Variants in CFAP47 observed in about 807,000 individuals in gnomAD.
The protein encoded by CFAP47 is cilia and flagella associated protein 47.
Under a neutral mutation model 148.1 loss-of-function variants are expected in CFAP47, and 29 were observed. That is an observed-to-expected ratio of 0.20 (90% CI 0.15 to 0.27). The LOEUF is 0.27. Ranked by LOEUF, CFAP47 falls within the 10% of genes least tolerant of loss-of-function variation. The pLI, the probability that CFAP47 is intolerant of heterozygous loss-of-function variation, is 1.00. For missense variants in CFAP47, 1,872 were observed against 1,697.5 expected, an observed-to-expected ratio of 1.10 and a Z score of -1.81; for synonymous variants, 664 against 577.3, an observed-to-expected ratio of 1.15 and a Z score of -2.15.
At position 35,991,942 on chromosome X, in the gene CFAP47, A is replaced by G; in HGVS notation, c.2966A>G (p.Lys989Arg). The change falls in exon 17 of 64, where the codon AAG becomes AGG. Residue 989 changes from lysine (K) to arginine (R), a missense_variant and splice_region_variant. Transcript: ENST00000378653. ...QNVGQNHAYF[K>R]VCSQSLLPII... Reference sequence around the variant, plus strand: ...GTAGGACAAAACCATGCTTATTTCAAGGTAACATAGGATGTTGGTAATTTC... The same window carrying G: ...GTAGGACAAAACCATGCTTATTTCAGGGTAACATAGGATGTTGGTAATTTC... 3.4e-6 allele frequency: 1 copy of G among 294,998 alleles called. No homozygotes were observed. Among genetic ancestry groups the G allele is most frequent in the Non-Finnish European group, 5.9e-6 (1 of 168,414 alleles). 24.3% of individuals were successfully genotyped at this position (294,998 alleles called of 1,213,427 possible).
chrX:35,977,051 T>G (rs1400527698), intron 15 of CFAP47, among the ~76,000 whole-genome samples: 1 of 111,736 alleles, frequency 8.9e-6, no homozygotes, highest in Non-Finnish European at 1.9e-5. Flanking sequence ...AAGCTATCAT[T>G]TAGGAAATAA....
chrX:35,951,921 A>G lies in CFAP47; in HGVS notation c.1004A>G (p.Gln335Arg). The change falls in exon 6 of 64, where the codon CAA (glutamine) becomes CGA (arginine). Residue 335 changes from glutamine (Q) to arginine (R), a missense_variant. Transcript: ENST00000378653. ...TGTCTTCCTAATGAAGGGACTTTAC[A>G]ACCTTATCAAAAGACTGTAATTACA... ...ISCLPNEGTLQPYQKTVITFC... is the reference protein window; with the variant it reads ...ISCLPNEGTLRPYQKTVITFC... 8.5e-7 allele frequency: 1 copy of G among 1,173,135 alleles called. No individual in the cohort carries two copies. Among genetic ancestry groups the G allele is most frequent in the Non-Finnish European group, 1.1e-6 (1 of 884,400 alleles).
intron 25 of CFAP47, among the ~76,000 whole-genome samples, chrX:36,041,459 G>A (rs1260045402): frequency 9.0e-6 from 1 of 111,351 alleles, no homozygotes; most frequent in Non-Finnish European, 1.9e-5. Flanking sequence ...GAAACTTCAC[G>A]AGAAAACATC....
chrX:36,329,301 A>G (rs1315063274), intron 57 of CFAP47, among the ~76,000 whole-genome samples: 2 of 111,740 alleles, frequency 1.8e-5, no homozygotes, highest in Non-Finnish European at 3.8e-5. Context: ...ATATATTCTC[A>G]ATCTTATCAT....
At chrX:36,321,467 A>G (rs1227065360) in intron 57 of CFAP47, among the ~76,000 whole-genome samples, 1 of 111,759 alleles carries the variant, frequency 8.9e-6, no homozygotes, top group Admixed American at 9.5e-5. Flanking sequence ...TTCATAACAC[A>G]ACAAAGTGAC....
intron 57 of CFAP47, among the ~76,000 whole-genome samples, chrX:36,341,897 G>A (rs782615916): frequency 1.6e-4 from 18 of 109,756 alleles, no homozygotes; most frequent in Non-Finnish European, 3.0e-4. Flanking sequence ...ATATTTTCCC[G>A]AGATGCTTAG....
chrX:36,202,206 A>G (rs1322269351), intron 44 of CFAP47, among the ~76,000 whole-genome samples: 1 of 111,581 alleles, frequency 9.0e-6, no homozygotes, highest in Non-Finnish European at 1.9e-5. Context: ...AGAATAAGGT[A>G]CAATCTATTT....
At chrX:36,198,156 A>G (rs1939938953) in intron 42 of CFAP47, among the ~76,000 whole-genome samples, 1 of 111,328 alleles carries the variant, frequency 9.0e-6, no homozygotes, top group African/African-American at 3.3e-5. Flanking sequence ...GATCCTGAGA[A>G]CATGTGCCCT....
At chrX:36,226,655 T>C (rs1024292292) in intron 45 of CFAP47, among the ~76,000 whole-genome samples, 2 of 111,793 alleles carry the variant, frequency 1.8e-5, no homozygotes, top group Non-Finnish European at 3.8e-5. Flanking sequence ...GCTGACATTG[T>C]GTAGCCCTTA....
chrX:36,299,112 G>A lies in CFAP47; in HGVS notation c.7822G>A (p.Val2608Ile), dbSNP rs1385265419. Reference protein sequence around the residue: ...LSPLQCTKYIVWYSPATTGYS... With the variant: ...LSPLQCTKYIIWYSPATTGYS... Reference sequence around the variant, plus strand: ...TCCACTACAGTGCACCAAATATATTGTATGGTATTCTCCAGCAACTACAGG... The same window carrying A: ...TCCACTACAGTGCACCAAATATATTATATGGTATTCTCCAGCAACTACAGG... The change falls in exon 52 of 64, where the codon GTA (valine) becomes ATA (isoleucine). Residue 2608 changes from valine (V) to isoleucine (I), a missense_variant. By Grantham distance (29) the Val-to-Ile change is conservative. Coordinates refer to ENST00000378653, the MANE Select transcript of CFAP47 (RefSeq NM_001304548.2). 4 of 1,092,657 alleles carry A rather than the reference G, an allele frequency of 3.7e-6. No homozygotes were observed. In the African/African-American group the frequency reaches 7.4e-5, roughly 20 times the overall value. 90.0% of individuals were successfully genotyped at this position (1,092,657 alleles called of 1,213,427 possible). A position where few individuals can be genotyped will look rare whatever the true frequency, so the allele number is the denominator to read the frequency against.
At chrX:36,311,922 A>G in intron 56 of CFAP47, among the ~76,000 whole-genome samples, 1 of 111,161 alleles carries the variant, frequency 9.0e-6, no homozygotes, top group Non-Finnish European at 1.9e-5. Flanking sequence ...CTTGGAATGA[A>G]ATAATTTTAA....
chrX:36,008,338 T>C (rs1937002634), intron 21 of CFAP47, among the ~76,000 whole-genome samples: 1 of 111,489 alleles, frequency 9.0e-6, no homozygotes, highest in South Asian at 3.8e-4. Flanking sequence ...TTTCTTCTCA[T>C]TGGGAACCTG....
At chrX:36,378,471 T>C (rs782436167) in intron 62 of CFAP47, among the ~76,000 whole-genome samples, 5 of 112,531 alleles carry the variant, frequency 4.4e-5, no homozygotes, top group Non-Finnish European at 7.5e-5. Flanking sequence ...AATTTACAAA[T>C]GCCTAAATTT....
chrX:35,924,348 CATATGTGTAT>C (rs2078347029), intron 1 of CFAP47, among the ~76,000 whole-genome samples: 1 of 103,824 alleles, frequency 9.6e-6, no homozygotes. Context: ...TATATGTGTG[CATATGTGTAT>C]ATATGTATAT....
chrX:36,017,194 T>G (rs1175406114), intron 22 of CFAP47, among the ~76,000 whole-genome samples: 1 of 111,849 alleles, frequency 8.9e-6, no homozygotes, highest in Non-Finnish European at 1.9e-5. Flanking sequence ...TGCACTTCCA[T>G]GTTTGTTGCA....
intron 40 of CFAP47, among the ~76,000 whole-genome samples, chrX:36,182,919 G>A (rs1462192622): frequency 8.9e-6 from 1 of 112,554 alleles, no homozygotes; most frequent in African/African-American, 3.2e-5. Flanking sequence ...GTGAGGAGAA[G>A]TGCTGTATGT....
intron 33 of CFAP47, among the ~76,000 whole-genome samples, chrX:36,106,543 C>T (rs759752916): frequency 5.9e-4 from 66 of 111,842 alleles, no homozygotes; most frequent in Non-Finnish European, 1.1e-3. Flanking sequence ...GGTGCCTAGA[C>T]GATGCACACT....
intron 1 of CFAP47, among the ~76,000 whole-genome samples, chrX:35,924,010 AATAT>A (rs1383101011): frequency 2.2e-5 from 2 of 92,162 alleles, no homozygotes; most frequent in African/African-American, 4.8e-5. Context: ...TATATGTGTA[AATAT>A]ATATGCACAT....
intron 27 of CFAP47, among the ~76,000 whole-genome samples, chrX:36,066,540 A>C (rs1001892250): frequency 2.7e-5 from 3 of 111,752 alleles, no homozygotes; most frequent in Non-Finnish European, 3.8e-5. Flanking sequence ...TGTGACAAGC[A>C]AGTCACAAGC....
Sources: gnomAD v4.1 joint callset for allele counts (sites outside exome capture counted in the v4.1 genomes callset) on GRCh38, gnomAD v4.1.1 for gene constraint, MANE v1.5 for transcripts, NCBI Gene and HGNC (gene_info 2026-07-23, HGNC 2026-07-21) for gene names.